ARHGAP44: variants seen among roughly 807,000 people sequenced by gnomAD.
ARHGAP44 encodes Rho GTPase activating protein 44.
Under a neutral mutation model 106.8 loss-of-function variants are expected in ARHGAP44, and 43 were observed. The ratio of observed to expected loss-of-function variants is 0.40; its 90% CI spans 0.32 to 0.52. The LOEUF is 0.52. Ranked by LOEUF, ARHGAP44 falls within the 20% of genes least tolerant of loss-of-function variation. ARHGAP44 has a pLI of 0.48. For synonymous variants in ARHGAP44, 439 were observed against 410.3 expected, an observed-to-expected ratio of 1.07 and a Z score of -0.85; for missense variants, 866 against 1,050.5, an observed-to-expected ratio of 0.82 and a Z score of 2.43.
intron 3 of ARHGAP44, among the ~76,000 whole-genome samples, chr17:12,906,459 G>A (rs1233589943): frequency 6.6e-6 from 1 of 152,052 alleles, no homozygotes; most frequent in African/African-American, 2.4e-5. Context: ...TATAAATTAG[G>A]GGTCCCACAA....
intron 3 of ARHGAP44, among the ~76,000 whole-genome samples, chr17:12,899,458 G>A (rs2037308633): frequency 6.6e-6 from 1 of 152,134 alleles, no homozygotes; most frequent in South Asian, 2.1e-4. Context: ...AACACATTAA[G>A]AGATGTAATA....
intron 5 of ARHGAP44, 76 bp from the exon 6 acceptor site, chr17:12,919,679 C>T: frequency 7.4e-7 from 1 of 1,355,890 alleles, no homozygotes; most frequent in Non-Finnish European, 1.0e-6. Context: ...AGCCACCGCG[C>T]CTGGCCAGGA....
chr17:12,861,644 C>CTTTTTTTTTTT lies in ARHGAP44; in HGVS notation c.54-33292_54-33282dup, dbSNP rs71144930. ...AATTCCTCTTCTGCCTCCTCTTCCA[C>CTTTTTTTTTTT]TTTTTTTTTTTTTTGAGATGGAATC... On this transcript the variant is annotated intron_variant, in intron 1 of 20. Transcript: ENST00000379672. Among the ~76,000 whole-genome samples the CTTTTTTTTTTT allele has an allele frequency of 8.3e-3, 558 of 67,552 alleles. 15 individuals carry two copies. The highest frequency in any genetic ancestry group is 0.035 in the Middle Eastern group (3 of 86). 44.3% of individuals were successfully genotyped at this position (67,552 alleles called of 152,430 possible).
At chr17:12,804,109 A>G (rs1567622182) in intron 1 of ARHGAP44, among the ~76,000 whole-genome samples, 1 of 152,110 alleles carries the variant, frequency 6.6e-6, no homozygotes, top group Non-Finnish European at 1.5e-5. Context: ...CTTTGCCTTC[A>G]TCTGTGTCTT....
At chr17:12,988,024 C>G (rs973189104) in intron 20 of ARHGAP44, 1 of 152,190 alleles carries the variant, frequency 6.6e-6, no homozygotes, top group African/African-American at 2.4e-5. Flanking sequence ...CCGAGGCGCA[C>G]CAGGATATCT....
At position 12,797,129 on chromosome 17, in the gene ARHGAP44, G is replaced by A. The variant is rs77590617; in HGVS notation, c.53+7238G>A. Among the ~76,000 whole-genome samples, 1,114 of 152,058 alleles carry A rather than the reference G, an allele frequency of 7.3e-3. 18 individuals carry two copies. The highest frequency in any genetic ancestry group is 0.026 in the African/African-American group (1,062 of 41,494). On this transcript the variant is annotated intron_variant, in intron 1 of 20. Coordinates refer to ENST00000379672, the MANE Select transcript of ARHGAP44 (RefSeq NM_014859.6). ...TGTATGTCTCTTTTTTCTTTTGGCC[G>A]TGTATAAATTTAACATTTTGTGATC...
chr17:12,931,367 C>T (rs148495843), intron 7 of ARHGAP44, among the ~76,000 whole-genome samples: 109 of 152,162 alleles, frequency 7.2e-4, no homozygotes, highest in Middle Eastern at 3.4e-3. Flanking sequence ...CTACCACGCC[C>T]GGCCTATATG....
At chr17:12,855,976 A>G (rs1414278943) in intron 1 of ARHGAP44, among the ~76,000 whole-genome samples, 1 of 152,190 alleles carries the variant, frequency 6.6e-6, no homozygotes, top group Non-Finnish European at 1.5e-5. Flanking sequence ...AAAACCCTCA[A>G]TCTGCTTTAA....
intron 18 of ARHGAP44, among the ~76,000 whole-genome samples, chr17:12,975,286 C>T (rs11652529): frequency 0.098 from 14,971 of 152,074 alleles, 827 homozygotes; most frequent in Admixed American, 0.14. Context: ...TGTGTTTCTC[C>T]TTCTCTTTAT....
At chr17:12,841,594 TCACACACACA>T (rs545804542) in intron 1 of ARHGAP44, among the ~76,000 whole-genome samples, 8 of 126,516 alleles carry the variant, frequency 6.3e-5, no homozygotes, top group African/African-American at 1.4e-4. Flanking sequence ...TGTCTCTCTC[TCACACACACA>T]CACACACACA....
At position 12,900,568 on chromosome 17, in the gene ARHGAP44, G is replaced by A. The variant is rs532860741; in HGVS notation, c.198+4057G>A. ...CATACCCAACAAATAAAGTGCTACC[G>A]TGTGGAAGTGTTTCTCCACCTTATT... On this transcript the variant is annotated intron_variant, in intron 3 of 20. Coordinates refer to ENST00000379672, the MANE Select transcript of ARHGAP44 (RefSeq NM_014859.6). Among the ~76,000 whole-genome samples the A allele has an allele frequency of 7.9e-5, 12 of 152,240 alleles. No homozygotes were observed. In the South Asian group the frequency reaches 1.0e-3, roughly 13 times the overall value.
intron 1 of ARHGAP44, among the ~76,000 whole-genome samples, chr17:12,816,965 A>G (rs745572002): frequency 1.3e-5 from 2 of 152,190 alleles, no homozygotes; most frequent in Non-Finnish European, 2.9e-5. Context: ...CAGAGGATAC[A>G]TATTCTTTTC....
intron 1 of ARHGAP44, among the ~76,000 whole-genome samples, chr17:12,863,640 A>G (rs2036155289): frequency 1.3e-5 from 2 of 152,162 alleles, no homozygotes; most frequent in African/African-American, 2.4e-5. Context: ...TCTGCATCCA[A>G]GTATTAATCC....
chr17:12,828,999 A>C (rs2035009886), intron 1 of ARHGAP44, among the ~76,000 whole-genome samples: 1 of 151,916 alleles, frequency 6.6e-6, no homozygotes, highest in South Asian at 2.1e-4. Context: ...CTATAACTTT[A>C]TTTTTTTACA....
At chr17:12,966,511 G>C (rs759309750) in intron 16 of ARHGAP44, among the ~76,000 whole-genome samples, 1 of 152,208 alleles carries the variant, frequency 6.6e-6, no homozygotes, top group East Asian at 1.9e-4. Flanking sequence ...CCGAATTCAG[G>C]CCTCACTGGG....
chr17:12,846,994 A>G (rs2035587564), intron 1 of ARHGAP44, among the ~76,000 whole-genome samples: 2 of 152,240 alleles, frequency 1.3e-5, no homozygotes, highest in South Asian at 2.1e-4. Flanking sequence ...TAAGTAACGC[A>G]GTGCAGACAG....
At chr17:12,819,528 C>T (rs964330901) in intron 1 of ARHGAP44, among the ~76,000 whole-genome samples, 4 of 151,284 alleles carry the variant, frequency 2.6e-5, no homozygotes, top group Non-Finnish European at 4.4e-5. Context: ...CATCTGTACT[C>T]CCACCAGTTA....
chr17:12,978,035 TC>T (rs1391964914), intron 18 of ARHGAP44, among the ~76,000 whole-genome samples: 14 of 55,562 alleles, frequency 2.5e-4, no homozygotes, highest in South Asian at 6.7e-4. Flanking sequence ...AGACTCCATC[TC>T]AAAAAAAAAA....
chr17:12,856,600 C>G (rs1224206169), intron 1 of ARHGAP44, among the ~76,000 whole-genome samples: 2 of 152,114 alleles, frequency 1.3e-5, no homozygotes, highest in Non-Finnish European at 2.9e-5. Context: ...CATTTCTAAA[C>G]TTTTGAAAGG....
Sources: allele counts gnomAD v4.1 joint callset (sites outside exome capture counted in the v4.1 genomes callset), GRCh38; gene constraint gnomAD v4.1.1; transcripts MANE v1.5; gene names NCBI Gene and HGNC (gene_info 2026-07-23, HGNC 2026-07-21).